EVC2: variants seen among roughly 807,000 people sequenced by gnomAD.
EVC2 encodes EvC ciliary complex subunit 2, also known as limbin.
A neutral mutation model predicts 149.3 loss-of-function variants in EVC2; 148 were observed. The observed-to-expected ratio is 0.99, with a 90% confidence interval of 0.87 to 1.14. The LOEUF is 1.14. EVC2 is among the 50% of genes most tolerant of loss of function. EVC2 has a pLI of 0.00. For missense variants in EVC2, 1,854 were observed against 1,627.3 expected (o/e 1.14, Z -2.40); for synonymous variants, 776 against 649.9 (o/e 1.19, Z -2.95).
chr4:5,558,280 G>C (rs1577090534), downstream of EVC2, among the ~76,000 whole-genome samples: 1 of 152,242 alleles, frequency 6.6e-6, no homozygotes, highest in East Asian at 1.9e-4. Flanking sequence ...ACTGACCTTT[G>C]ACAAATTCCA....
chr4:5,661,241 G>C (rs1485462589), intron 9 of EVC2, among the ~76,000 whole-genome samples: 1 of 152,134 alleles, frequency 6.6e-6, no homozygotes, highest in Non-Finnish European at 1.5e-5. Context: ...AGAAAGCAAA[G>C]AATGTTAAAA....
rs543347099 is a variant in EVC2 at position 5,583,336 on chromosome 4, G to T, written c.3057+1287C>A. 7.7e-4 allele frequency among the ~76,000 whole-genome samples: 117 copies of T among 152,248 alleles called. 1 individual carries two copies. The highest frequency in any genetic ancestry group is 2.6e-3 in the African/African-American group (107 of 41,534). Reference sequence around the variant, plus strand: ...TTCTTTCTGGTACTGTTCATGTCTGGTTTTGGTGTTAAAGTTATCTAGCAT... The same window carrying T: ...TTCTTTCTGGTACTGTTCATGTCTGTTTTTGGTGTTAAAGTTATCTAGCAT... On this transcript the variant is annotated intron_variant, in intron 17 of 21. Transcript: ENST00000344408.
intron 9 of EVC2, among the ~76,000 whole-genome samples, chr4:5,642,693 G>C (rs1400246979): frequency 6.6e-6 from 1 of 152,156 alleles, no homozygotes; most frequent in South Asian, 2.1e-4. Flanking sequence ...TTCCAGAAGA[G>C]ACCCCCAGCC....
Position 5,689,167 on chromosome 4 carries a change from C to T in EVC2, c.696G>A (p.Lys232=). Reference sequence around the variant, plus strand: ...ACGCTTTGCTGTTACCTTGCAGAAACTTCTTGCTAAAAGCCTGGAATCCTT... The same window carrying T: ...ACGCTTTGCTGTTACCTTGCAGAAATTTCTTGCTAAAAGCCTGGAATCCTT... ...TSEGFQAFSK[K]FLQVGDAFAV... is the part of the protein sequence containing the mutation. Residue 232 remains lysine (K), a synonymous_variant, in exon 5 of 22, where the codon AAG becomes AAA. Transcript: ENST00000344408. 6.2e-7 allele frequency: 1 copy of T among 1,614,204 alleles called. No individual in the cohort carries two copies. The highest frequency in any genetic ancestry group is 8.5e-7 in the Non-Finnish European group (1 of 1,180,052).
chr4:5,553,325 G>T (rs1721775579), intron 21 of EVC2, among the ~76,000 whole-genome samples: 1 of 152,180 alleles, frequency 6.6e-6, no homozygotes, highest in Non-Finnish European at 1.5e-5. Flanking sequence ...AGGGGATGGT[G>T]CTGAACCATT....
chr4:5,685,229 C>A, intron 6 of EVC2, 141 bp downstream of exon 6: 1 of 841,642 alleles, frequency 1.2e-6, no homozygotes, highest in Non-Finnish European at 2.0e-6. Context: ...TGTGAGACTC[C>A]AGGGCCTATG....
intron 1 of EVC2, among the ~76,000 whole-genome samples, chr4:5,707,094 CAGAG>C (rs958239233): frequency 1.5e-4 from 23 of 152,088 alleles, no homozygotes; most frequent in African/African-American, 5.1e-4. Flanking sequence ...ACTCGGGGGC[CAGAG>C]AGAGAGTACA....
Position 5,625,921 on chromosome 4 carries a change from G to A in EVC2, c.1887-13C>T. ...CAGGTACCCTGCTCTAGATGGAAAG[G>A]ATGTAAAGTTAGGAATGTGGTCTCC... On this transcript the variant is annotated splice_polypyrimidine_tract_variant and intron_variant, in intron 12 of 21. Coordinates refer to ENST00000344408, the MANE Select transcript of EVC2 (RefSeq NM_147127.5). The surrounding 1 kb of genome is among the most constrained non-coding windows in gnomAD (Gnocchi z 4.0). 6.2e-7 allele frequency: 1 copy of A among 1,613,702 alleles called. No homozygotes were observed. Among genetic ancestry groups the A allele is most frequent in the South Asian group, 1.1e-5 (1 of 91,070 alleles).
chr4:5,589,496 G>C (rs1712594988), intron 16 of EVC2, among the ~76,000 whole-genome samples: 2 of 152,122 alleles, frequency 1.3e-5, no homozygotes, highest in African/African-American at 2.4e-5. Context: ...TCTTTTCTGG[G>C]ATTCTGTCCT....
At chr4:5,668,935 T>C (rs1719451507) in intron 7 of EVC2, among the ~76,000 whole-genome samples, 1 of 152,208 alleles carries the variant, frequency 6.6e-6, no homozygotes, top group African/African-American at 2.4e-5. Context: ...GATGAGGTCA[T>C]ACTGGGTCAC....
intron 7 of EVC2, among the ~76,000 whole-genome samples, chr4:5,668,015 G>A (rs918010620): frequency 2.2e-4 from 34 of 152,218 alleles, no homozygotes; most frequent in Non-Finnish European, 2.9e-5. Flanking sequence ...GGTTTGATAT[G>A]CTAACTCTTC....
At chr4:5,667,090 A>G (rs1719331861) in intron 7 of EVC2, among the ~76,000 whole-genome samples, 1 of 152,154 alleles carries the variant, frequency 6.6e-6, no homozygotes, top group Non-Finnish European at 1.5e-5. Flanking sequence ...AGCATTTTAA[A>G]GAAGATATTT....
chr4:5,553,855 G>A (rs560752704), intron 21 of EVC2, among the ~76,000 whole-genome samples: 2 of 152,212 alleles, frequency 1.3e-5, no homozygotes, highest in African/African-American at 4.8e-5. Context: ...ATGTAAAACT[G>A]CAATGTATGC....
At chr4:5,707,484 G>A (rs1446911833) in intron 1 of EVC2, among the ~76,000 whole-genome samples, 1 of 152,080 alleles carries the variant, frequency 6.6e-6, no homozygotes, top group Non-Finnish European at 1.5e-5. Flanking sequence ...GGGCAATAAG[G>A]TGGAGAGAAG....
intron 17 of EVC2, among the ~76,000 whole-genome samples, chr4:5,580,579 T>C (rs560057045): frequency 6.6e-6 from 1 of 152,324 alleles, no homozygotes; most frequent in Admixed American, 6.5e-5. Context: ...GGAGGCTAAA[T>C]GTTCCTGGTG....
At chr4:5,598,167 C>T (rs1222630337) in intron 16 of EVC2, among the ~76,000 whole-genome samples, 3 of 151,872 alleles carry the variant, frequency 2.0e-5, no homozygotes, top group Non-Finnish European at 4.4e-5. Context: ...AGATTCAATG[C>T]CATCCCCATC....
intron 3 of EVC2, 129 bp from the exon 4 acceptor site, chr4:5,691,462 T>C (rs980726742): frequency 1.4e-6 from 1 of 723,284 alleles, no homozygotes; most frequent in Non-Finnish European, 2.3e-6. Flanking sequence ...TTAAGTAATC[T>C]TGAAGTCTTA....
chr4:5,682,078 G>C (rs1720383180), intron 6 of EVC2, among the ~76,000 whole-genome samples: 1 of 152,202 alleles, frequency 6.6e-6, no homozygotes, highest in Non-Finnish European at 1.5e-5. Flanking sequence ...TTGCTATGAA[G>C]ATTAACTTAG....
intron 18 of EVC2, 137 bp from the exon 19 acceptor site, chr4:5,574,909 C>A: frequency 1.1e-6 from 1 of 912,604 alleles, no homozygotes; most frequent in Non-Finnish European, 1.7e-6. Context: ...AAAGAGATGG[C>A]CAGAAAGACT....
Sources: gnomAD v4.1 joint callset for allele counts (sites outside exome capture counted in the v4.1 genomes callset) on GRCh38, gnomAD v4.1.1 for gene constraint, Gnocchi (gnomAD v3.1) non-coding constraint, MANE v1.5 for transcripts, NCBI Gene and HGNC (gene_info 2026-07-23, HGNC 2026-07-21) for gene names.